Variants in GRM8 observed in about 807,000 individuals in gnomAD.
GRM8 encodes metabotropic glutamate receptor 8.
Under a neutral mutation model 87.2 loss-of-function variants are expected in GRM8, and 47 were observed. The ratio of observed to expected loss-of-function variants is 0.54; its 90% CI spans 0.43 to 0.69. The LOEUF is 0.69. Ranked by LOEUF, GRM8 falls within the 30% of genes least tolerant of loss-of-function variation. The probability of loss-of-function intolerance (pLI) is 0.00; values close to 1 mark genes in which losing one functional copy is unlikely to be tolerated. For missense variants in GRM8, 1,019 were observed against 1,139.2 expected (o/e 0.89, Z 1.52); for synonymous variants, 396 against 404.5 (o/e 0.98, Z 0.25).
intron 7 of GRM8, among the ~76,000 whole-genome samples, chr7:126,625,243 G>A (rs1018863094): frequency 6.6e-6 from 1 of 152,120 alleles, no homozygotes; most frequent in African/African-American, 2.4e-5. Flanking sequence ...TTACTTCAAT[G>A]TGGATATATA....
In GRM8 at chr7:126,806,170, A is replaced by G. The variant is rs191031696; in HGVS notation, c.1157-36105T>C. 1.8e-3 allele frequency among the ~76,000 whole-genome samples: 281 copies of G among 152,272 alleles called. 1 individual carries two copies. Among genetic ancestry groups the G allele is most frequent in the Non-Finnish European group, 3.1e-3 (208 of 68,020 alleles). On this transcript the variant is annotated intron_variant, in intron 6 of 10. Coordinates refer to ENST00000339582, the MANE Select transcript of GRM8 (RefSeq NM_000845.3). ...TTCCTTCAGATGTTCAGATGTGTCC[A>G]GAGTTTATTCCTTCCGGTGGGTTCG...
At chr7:127,175,546 A>T (rs962738748) in intron 2 of GRM8, among the ~76,000 whole-genome samples, 6 of 152,190 alleles carry the variant, frequency 3.9e-5, no homozygotes, top group African/African-American at 1.4e-4. Context: ...AGCATATGCA[A>T]ACTGCAGAAA....
chr7:126,553,173 C>T (rs1792772595), intron 8 of GRM8, among the ~76,000 whole-genome samples: 1 of 152,086 alleles, frequency 6.6e-6, no homozygotes, highest in South Asian at 2.1e-4. Flanking sequence ...TCCCCTACTT[C>T]CTGCTTAAAT....
At chr7:126,657,348 C>T (rs759576614) in intron 7 of GRM8, among the ~76,000 whole-genome samples, 37 of 152,084 alleles carry the variant, frequency 2.4e-4, no homozygotes, top group Middle Eastern at 3.4e-3. Flanking sequence ...TGGTGAAAAC[C>T]GCAAATACTC....
At chr7:127,178,464 T>C (rs1321554017) in intron 2 of GRM8, among the ~76,000 whole-genome samples, 1 of 149,094 alleles carries the variant, frequency 6.7e-6, no homozygotes, top group African/African-American at 2.5e-5. Context: ...TTGGCCTTGC[T>C]AGAGACCTAC....
intron 9 of GRM8, among the ~76,000 whole-genome samples, chr7:126,450,447 T>C (rs1271498211): frequency 6.6e-6 from 1 of 151,856 alleles, no homozygotes; most frequent in East Asian, 2.0e-4. Context: ...TTTGGCTGCT[T>C]TGCATACCGT....
At chr7:126,785,093 G>A (rs1820486946) in intron 6 of GRM8, among the ~76,000 whole-genome samples, 2 of 152,082 alleles carry the variant, frequency 1.3e-5, no homozygotes. Context: ...CATGATCATA[G>A]CACACCACAG....
At chr7:126,851,439 C>G (rs1247749283) in intron 6 of GRM8, among the ~76,000 whole-genome samples, 3 of 152,120 alleles carry the variant, frequency 2.0e-5, no homozygotes, top group Admixed American at 2.0e-4. Context: ...GTGGAAAACC[C>G]TCGAATAAGT....
At position 126,493,291 on chromosome 7, in the gene GRM8, T is replaced by C. The variant is rs189208639; in HGVS notation, c.2430+39661A>G. ...TAACAGCAGGAGAGACTGGGGTCAC[T>C]GTCCAGATACAGAGCACAGAGTATC... On this transcript the variant is annotated intron_variant, in intron 9 of 10. Transcript: ENST00000339582. Among the ~76,000 whole-genome samples the C allele has an allele frequency of 5.0e-4, 76 of 152,162 alleles. 5 individuals carry two copies. In the South Asian group the frequency reaches 0.014, roughly 28 times the overall value.
chr7:126,924,540 A>G (rs1445848900), intron 3 of GRM8, among the ~76,000 whole-genome samples: 2 of 151,862 alleles, frequency 1.3e-5, no homozygotes, highest in Non-Finnish European at 2.9e-5. Context: ...CATATCCACA[A>G]TCCTCACATG....
intron 2 of GRM8, among the ~76,000 whole-genome samples, chr7:127,222,008 G>C: frequency 6.6e-6 from 1 of 152,156 alleles, no homozygotes; most frequent in South Asian, 2.1e-4. Context: ...AAAATATTTA[G>C]TCTTCGGTGC....
chr7:126,569,937 G>T (rs1294864947), intron 8 of GRM8, among the ~76,000 whole-genome samples: 1 of 151,992 alleles, frequency 6.6e-6, no homozygotes, highest in Admixed American at 6.6e-5. Context: ...ATCAACGAGG[G>T]CTTGAAGAAC....
chr7:126,522,601 T>G, intron 9 of GRM8, among the ~76,000 whole-genome samples: 1 of 152,202 alleles, frequency 6.6e-6, no homozygotes, highest in Non-Finnish European at 1.5e-5. Flanking sequence ...GGCCTCCCAG[T>G]TCTCCTTGTG....
chr7:126,851,815 TA>T (rs1389133366), intron 6 of GRM8, among the ~76,000 whole-genome samples: 1 of 152,186 alleles, frequency 6.6e-6, no homozygotes, highest in Non-Finnish European at 1.5e-5. Context: ...TACCCTGCTT[TA>T]TTTTTCCCCT....
At chr7:127,009,112 T>C (rs2132093265) in intron 3 of GRM8, among the ~76,000 whole-genome samples, 1 of 152,196 alleles carries the variant, frequency 6.6e-6, no homozygotes, top group East Asian at 1.9e-4. Flanking sequence ...TCAGTTTGAC[T>C]TTGATTAATG....
chr7:126,839,977 T>C (rs1318732838), intron 6 of GRM8, among the ~76,000 whole-genome samples: 1 of 152,198 alleles, frequency 6.6e-6, no homozygotes, highest in Non-Finnish European at 1.5e-5. Flanking sequence ...TACTAACTGC[T>C]TAACTAAGTC....
chr7:126,924,774 C>T (rs1400486760), intron 3 of GRM8, among the ~76,000 whole-genome samples: 1 of 152,082 alleles, frequency 6.6e-6, no homozygotes, highest in African/African-American at 2.4e-5. Context: ...AGGAGCCTCT[C>T]TGAGCTTATA....
intron 2 of GRM8, among the ~76,000 whole-genome samples, chr7:127,235,846 T>C (rs948239945): frequency 3.3e-5 from 5 of 152,158 alleles, no homozygotes; most frequent in Admixed American, 6.5e-5. Context: ...TTAACCAACA[T>C]GGAAAATTTT....
intron 6 of GRM8, among the ~76,000 whole-genome samples, chr7:126,884,097 T>C (rs774850405): frequency 1.3e-5 from 2 of 152,162 alleles, no homozygotes; most frequent in Non-Finnish European, 2.9e-5. Context: ...CCTAGGATTC[T>C]GCTAAAATCA....
Sources: allele counts gnomAD v4.1 joint callset (sites outside exome capture counted in the v4.1 genomes callset), GRCh38; gene constraint gnomAD v4.1.1; transcripts MANE v1.5; gene names NCBI Gene and HGNC (gene_info 2026-07-23, HGNC 2026-07-21).